EPHA8: variants seen among roughly 807,000 people sequenced by gnomAD.
EPHA8 encodes the protein ephrin type-A receptor 8.
EPHA8 carries 58 observed loss-of-function variants against 103.6 expected under a neutral mutation model. That is an observed-to-expected ratio of 0.56 (90% CI 0.45 to 0.70). The LOEUF (loss-of-function observed/expected upper bound fraction) is 0.70. EPHA8 is among the 30% of genes least tolerant of loss of function. EPHA8 has a pLI of 0.00. For synonymous variants in EPHA8, 559 were observed against 572.5 expected (o/e 0.98, Z 0.34); for missense variants, 1,304 against 1,395.2 (o/e 0.93, Z 1.04).
At chr1:22,594,933 A>T (rs1445954702) in intron 7 of EPHA8, among the ~76,000 whole-genome samples, 2 of 152,310 alleles carry the variant, frequency 1.3e-5, no homozygotes, top group African/African-American at 2.4e-5. Flanking sequence ...GAGGACAGGC[A>T]TTTATTGGCT....
rs1641753170 is a variant in EPHA8, at chr1:22,602,008, CAG to C, written c.*270_*271del. The C allele has an allele frequency of 1.8e-6, 1 of 558,484 alleles. No individual in the cohort carries two copies. Among genetic ancestry groups the C allele is most frequent in the Non-Finnish European group, 3.1e-6 (1 of 319,254 alleles). 34.6% of individuals were successfully genotyped at this position (558,484 alleles called of 1,614,324 possible). ...TCCAGAGCCTGGGGCCTCCACGTCA[CAG>C]AGTCCAACAGGGACATCACTCGCCT... On this transcript the variant is annotated 3_prime_UTR_variant, in exon 17 of 17. Coordinates refer to ENST00000166244, the MANE Select transcript of EPHA8 (RefSeq NM_020526.5).
rs1557558889 is a variant in EPHA8, at chr1:22,577,982, CATGTGTGCATGTACACCT to C, written c.823+1103_823+1120del. On this transcript the variant is annotated intron_variant, in intron 3 of 16. Transcript: ENST00000166244. ...ATGTGTGTGCATGTGCGTATGTGTG[CATGTGTGCATGTACACCT>C]GTGTGTGCATGTGTATGTGTACATG... Among the ~76,000 whole-genome samples the C allele has an allele frequency of 3.4e-4, 5 of 14,528 alleles. 1 individual carries two copies. The highest frequency in any genetic ancestry group is 2.2e-3 in the African/African-American group (5 of 2,236). 9.5% of individuals were successfully genotyped at this position (14,528 alleles called of 152,430 possible).
At chr1:22,595,197 G>A (rs1641482227) in intron 7 of EPHA8, 33 bp from the exon 8 acceptor site, 2 of 1,578,608 alleles carry the variant, frequency 1.3e-6, no homozygotes, top group Non-Finnish European at 1.7e-6. Context: ...AGGGCTGAGA[G>A]CCTGGTCCCC....
At chr1:22,588,280 G>A (rs3754005) in intron 4 of EPHA8, among the ~76,000 whole-genome samples, 27,653 of 143,104 alleles carry the variant, frequency 0.19, 2,596 homozygotes, top group South Asian at 0.43. Flanking sequence ...CCAGCCCCAC[G>A]TCCTGGTCTC....
intron 2 of EPHA8, among the ~76,000 whole-genome samples, chr1:22,571,156 T>G (rs1640533052): frequency 1.3e-5 from 2 of 152,200 alleles, no homozygotes. Context: ...ATGGCTGGCC[T>G]CGTGTTTTGG....
At chr1:22,600,636 C>T (rs779629261) in intron 13 of EPHA8, 25 bp from the exon 14 acceptor site, 1 of 1,611,202 alleles carries the variant, frequency 6.2e-7, no homozygotes, top group Non-Finnish European at 8.5e-7. Context: ...TGGGCAGCCC[C>T]TCAACTCTTG....
In EPHA8 at chr1:22,595,325, T is replaced by C; in HGVS notation, c.1697+2T>C. ...GCTCCTGCTCATCTGCAAGAAGAGG[T>C]GGGTGGTCTGGCCCAGCCACACCCA... is the stretch of plus-strand genomic sequence containing the variant. On this transcript the variant is annotated splice_donor_variant, in intron 8 of 16. Transcript: ENST00000166244. LOFTEE classifies it high-confidence loss of function. 6.2e-7 allele frequency: 1 copy of C among 1,610,850 alleles called. No homozygotes were observed.
chr1:22,574,433 C>T (rs576001839), intron 2 of EPHA8, among the ~76,000 whole-genome samples: 2 of 152,214 alleles, frequency 1.3e-5, no homozygotes, highest in Non-Finnish European at 2.9e-5. Flanking sequence ...CTCCGTTCAT[C>T]CTGCAAAACG....
At position 22,598,953 on chromosome 1, in the gene EPHA8, A is replaced by C; in HGVS notation, c.2294A>C (p.Asn765Thr). Residue 765 changes from asparagine (N) to threonine (T), a missense_variant, in exon 13 of 17, where the codon AAC becomes ACC. Asn to Thr is a moderately conservative substitution (Grantham distance 65). Coordinates refer to ENST00000166244, the MANE Select transcript of EPHA8 (RefSeq NM_020526.5). The surrounding 1 kb of genome is among the most constrained non-coding windows in gnomAD (Gnocchi z 5.1). ...GYVHRDLAAR[N>T]VLVDSNLVCK... Reference sequence around the variant, plus strand: ...GTCCACCGAGACCTGGCCGCCCGCAACGTCCTGGTTGACAGCAACCTGGTC... The same window carrying C: ...GTCCACCGAGACCTGGCCGCCCGCACCGTCCTGGTTGACAGCAACCTGGTC... 1 of 1,610,648 alleles carries C rather than the reference A, an allele frequency of 6.2e-7. No individual in the cohort carries two copies. Among genetic ancestry groups the C allele is most frequent in the Non-Finnish European group, 8.5e-7 (1 of 1,179,486 alleles).
At chr1:22,572,411 A>G (rs994757284) in intron 2 of EPHA8, among the ~76,000 whole-genome samples, 4 of 152,216 alleles carry the variant, frequency 2.6e-5, no homozygotes, top group African/African-American at 9.7e-5. Flanking sequence ...GAGAAACTGA[A>G]TACTCTCAGA....
At chr1:22,570,944 G>A (rs1640528038) in intron 2 of EPHA8, among the ~76,000 whole-genome samples, 1 of 152,276 alleles carries the variant, frequency 6.6e-6, no homozygotes, top group South Asian at 2.1e-4. Context: ...CCCCGTGGCA[G>A]GGTTCCACCC....
intron 2 of EPHA8, among the ~76,000 whole-genome samples, chr1:22,573,162 C>A (rs985248691): frequency 1.3e-5 from 2 of 152,130 alleles, no homozygotes; most frequent in Non-Finnish European, 2.9e-5. Flanking sequence ...GACTCGGAAG[C>A]CTAAACTCTT....
intron 1 of EPHA8, among the ~76,000 whole-genome samples, chr1:22,566,364 G>A (rs937686718): frequency 6.6e-6 from 1 of 152,186 alleles, no homozygotes; most frequent in African/African-American, 2.4e-5. Flanking sequence ...TAGTCTCAGC[G>A]AAATGGAATG....
Position 22,589,054 on chromosome 1 carries a change from A to T in EPHA8, c.1163A>T (p.Gln388Leu), listed in dbSNP as rs571969130. Residue 388 changes from glutamine (Q) to leucine (L), a missense_variant, in exon 5 of 17, where the codon CAG (glutamine) becomes CTG (leucine). By Grantham distance (113) the Gln-to-Leu change is moderately radical. Transcript: ENST00000166244. The surrounding 1 kb of genome is among the most constrained non-coding windows in gnomAD (Gnocchi z 4.3). ...GGGAGCGGCACCCGCTTTGTGCCCCAGCAGACAAGCCTGGTGCAGGCCAGC... is the reference window on the plus strand; with the variant it reads ...GGGAGCGGCACCCGCTTTGTGCCCCTGCAGACAAGCCTGGTGCAGGCCAGC... ...ACGSGTRFVP[Q>L]QTSLVQASLL... 6.2e-6 allele frequency: 10 copies of T among 1,613,062 alleles called. No homozygotes were observed. In the African/African-American group the frequency reaches 9.3e-5, roughly 15 times the overall value.
In EPHA8 at chr1:22,578,929, G is replaced by A. The variant is rs111161988; in HGVS notation, c.823+2049G>A. ...TGTATGTATGCATGTGCGTTTATGT[G>A]TGCATGTGTGTATGTATGCATGTGT... On this transcript the variant is annotated intron_variant, in intron 3 of 16. Transcript: ENST00000166244. Among the ~76,000 whole-genome samples the A allele has an allele frequency of 5.8e-3, 884 of 151,640 alleles. 7 individuals carry two copies. The highest frequency in any genetic ancestry group is 0.02 in the African/African-American group (838 of 41,166).
chr1:22,583,829 A>C (rs1158996463), intron 3 of EPHA8, among the ~76,000 whole-genome samples: 4 of 152,234 alleles, frequency 2.6e-5, no homozygotes, highest in Non-Finnish European at 2.9e-5. Context: ...GACAAGGACC[A>C]GGTGGGCCCT....
chr1:22,564,792 C>T (rs115326972), intron 1 of EPHA8, among the ~76,000 whole-genome samples: 2,354 of 152,190 alleles, frequency 0.015, 46 homozygotes, highest in African/African-American at 0.053. Context: ...GAAGCCAGAG[C>T]GTCTCTGTGC....
chr1:22,603,436 C>T lies in EPHA8; in HGVS notation c.*1695C>T, dbSNP rs1406665347. On this transcript the variant is annotated 3_prime_UTR_variant, in exon 17 of 17. Coordinates refer to ENST00000166244, the MANE Select transcript of EPHA8 (RefSeq NM_020526.5). ...TTACCCAATTTCTGGGCTCTGGATCCTCACAGTCATGGAGGCACCGTGGGC... is the reference window on the plus strand; with the variant it reads ...TTACCCAATTTCTGGGCTCTGGATCTTCACAGTCATGGAGGCACCGTGGGC... 1 of 152,416 alleles carries T rather than the reference C, an allele frequency of 6.6e-6. No individual in the cohort carries two copies. Among genetic ancestry groups the T allele is most frequent in the African/African-American group, 2.4e-5 (1 of 41,346 alleles). 9.4% of individuals were successfully genotyped at this position (152,416 alleles called of 1,614,324 possible). A position where few individuals can be genotyped will look rare whatever the true frequency, so the allele number is the denominator to read the frequency against.
chr1:22,578,080 TG>T (rs1439805979), intron 3 of EPHA8, among the ~76,000 whole-genome samples: 1 of 81,866 alleles, frequency 1.2e-5, no homozygotes, highest in African/African-American at 4.6e-5. Flanking sequence ...TATGTATGCA[TG>T]TGTGTGCATG....
Sources: gnomAD v4.1 joint callset for allele counts (sites outside exome capture counted in the v4.1 genomes callset) on GRCh38, gnomAD v4.1.1 for gene constraint, Gnocchi (gnomAD v3.1) non-coding constraint, MANE v1.5 for transcripts, NCBI Gene and HGNC (gene_info 2026-07-23, HGNC 2026-07-21) for gene names.